Variants in HECTD4 observed in about 807,000 individuals in gnomAD.
HECTD4 encodes the protein probable E3 ubiquitin-protein ligase HECTD4.
HECTD4 carries 114 observed loss-of-function variants against 471.5 expected under a neutral mutation model. The ratio of observed to expected loss-of-function variants is 0.24; its 90% CI spans 0.21 to 0.28. HECTD4 has a LOEUF of 0.28. Among genes scored for constraint, HECTD4 ranks in the 10% least tolerant of loss-of-function variants. The pLI is 1.00. For synonymous variants in HECTD4, 2,012 were observed against 2,256.0 expected, an observed-to-expected ratio of 0.89 and a Z score of 3.07; for missense variants, 3,866 against 5,651.5, an observed-to-expected ratio of 0.68 and a Z score of 10.13.
At chr12:112,336,435 A>C (rs1398698755) in intron 1 of HECTD4, among the ~76,000 whole-genome samples, 1 of 152,014 alleles carries the variant, frequency 6.6e-6, no homozygotes, top group African/African-American at 2.4e-5. Flanking sequence ...AGGCAGGAGA[A>C]TGGCGTGAAC....
chr12:112,266,759 G>A (rs1346770405), intron 14 of HECTD4, among the ~76,000 whole-genome samples, 153 bp downstream of exon 14: 1 of 152,210 alleles, frequency 6.6e-6, no homozygotes, highest in East Asian at 1.9e-4. Context: ...TGGGATTACA[G>A]GTGTGAGCCA....
chr12:112,164,897 C>T (rs558239335), intron 72 of HECTD4, among the ~76,000 whole-genome samples: 2 of 151,078 alleles, frequency 1.3e-5, no homozygotes, highest in African/African-American at 2.4e-5. Flanking sequence ...GCTGGGATTA[C>T]AGGTGTGAGC....
At position 112,210,270 on chromosome 12, in the gene HECTD4, T is replaced by A; in HGVS notation, c.7630-18A>T. 1 of 1,608,372 alleles carries A rather than the reference T, an allele frequency of 6.2e-7. No individual in the cohort carries two copies. Among genetic ancestry groups the A allele is most frequent in the Non-Finnish European group, 8.5e-7 (1 of 1,175,038 alleles). On this transcript the variant is annotated intron_variant, in intron 49 of 75. Transcript: ENST00000682272. ...TTGGTGTTCTGGAAAGGAGACCAAA[T>A]GAAGGATTTGGAAAGACTTACGTTT...
chr12:112,359,946 C>A lies in HECTD4; in HGVS notation c.177+22006G>T, dbSNP rs76130951. Among the ~76,000 whole-genome samples, 1,119 of 152,200 alleles carry A rather than the reference C, an allele frequency of 7.4e-3. 19 individuals carry two copies. The highest frequency in any genetic ancestry group is 0.026 in the African/African-American group (1,067 of 41,514). ...AAGTTTAAGAAGAGCTGCTACAAAG[C>A]CCAAAGAGAATTAAGAGGGAGGAAT... On this transcript the variant is annotated intron_variant, in intron 1 of 75. Transcript: ENST00000682272.
Position 112,170,455 on chromosome 12 carries a change from A to G in HECTD4, c.11933-3T>C, listed in dbSNP as rs1047162644. ...CTTCGTGTCATAGAAGATCAGCCCT[A>G]AGGAGAGGAACGTGGGAGAGGCTTG... is the stretch of plus-strand genomic sequence containing the variant. On this transcript the variant is annotated splice_polypyrimidine_tract_variant and splice_region_variant and intron_variant, in intron 68 of 75. Transcript: ENST00000682272. 22 of 1,613,670 alleles carry G rather than the reference A, an allele frequency of 1.4e-5. No individual in the cohort carries two copies. Among genetic ancestry groups the G allele is most frequent in the Non-Finnish European group, 1.9e-5 (22 of 1,179,810 alleles).
rs1482651197 is a variant in HECTD4 at position 112,208,570 on chromosome 12, G to T, written c.7928C>A (p.Thr2643Asn). The change falls in exon 51 of 76, where the codon ACC becomes AAC. Residue 2643 changes from threonine (T) to asparagine (N), a missense_variant. Coordinates refer to ENST00000682272, the MANE Select transcript of HECTD4 (RefSeq NM_001388303.1). ...KVELSYENFI[T>N]SGPDPHPPPI... ...AGGCGGGTGAGGGTCTGGGCCAGAGGTGATGAAATTCTCATAGCTGAGCTC... is the reference window on the plus strand; with the variant it reads ...AGGCGGGTGAGGGTCTGGGCCAGAGTTGATGAAATTCTCATAGCTGAGCTC... 6.2e-7 allele frequency: 1 copy of T among 1,608,142 alleles called. No homozygotes were observed. The highest frequency in any genetic ancestry group is 8.5e-7 in the Non-Finnish European group (1 of 1,178,306).
Position 112,164,095 on chromosome 12 carries a change from G to A in HECTD4, c.12701+14C>T, listed in dbSNP as rs2030823791. On this transcript the variant is annotated intron_variant, in intron 73 of 75. Coordinates refer to ENST00000682272, the MANE Select transcript of HECTD4 (RefSeq NM_001388303.1). Reference sequence around the variant, plus strand: ...GCCAGCCCCTGCCAGCCCCTGACACGCGCACACACTCACGCCACAAGGATG... The same window carrying A: ...GCCAGCCCCTGCCAGCCCCTGACACACGCACACACTCACGCCACAAGGATG... The A allele has an allele frequency of 4.6e-6, 7 of 1,513,360 alleles. No individual in the cohort carries two copies. Among genetic ancestry groups the A allele is most frequent in the Non-Finnish European group, 5.3e-6 (6 of 1,125,988 alleles). 93.7% of individuals were successfully genotyped at this position (1,513,360 alleles called of 1,614,324 possible). A position where few individuals can be genotyped will look rare whatever the true frequency, so the allele number is the denominator to read the frequency against.
At chr12:112,379,958 G>T (rs752755453) in intron 1 of HECTD4, among the ~76,000 whole-genome samples, 1 of 151,462 alleles carries the variant, frequency 6.6e-6, no homozygotes, top group Non-Finnish European at 1.5e-5. Context: ...GGCCAGAGAG[G>T]TTCTTTCCTT....
chr12:112,167,267 C>A, intron 72 of HECTD4, 50 bp downstream of exon 72: 2 of 1,514,968 alleles, frequency 1.3e-6, no homozygotes, highest in South Asian at 1.2e-5. Context: ...AGCAAGGTGG[C>A]GGGGAGGCCC....
chr12:112,343,525 T>C (rs1334609763), intron 1 of HECTD4, among the ~76,000 whole-genome samples: 1 of 152,150 alleles, frequency 6.6e-6, no homozygotes, highest in East Asian at 1.9e-4. Flanking sequence ...ATCCCAGCAC[T>C]TGGGGAGACC....
chr12:112,258,460 A>C, intron 20 of HECTD4, 36 bp downstream of exon 20: 1 of 1,456,036 alleles, frequency 6.9e-7, no homozygotes, highest in Non-Finnish European at 9.3e-7. Flanking sequence ...AAAGAAAACA[A>C]GAAAAGGGTT....
chr12:112,183,245 C>T lies in HECTD4; in HGVS notation c.10801G>A (p.Glu3601Lys). Residue 3601 changes from glutamate to lysine, a missense_variant, in exon 62 of 76, where the codon GAG becomes AAG. Glu to Lys is a moderately conservative substitution (Grantham distance 56). This residue lies in a region of HECTD4 where 715 missense variants were observed against 1,087.6 expected (regional missense o/e 0.66). Transcript: ENST00000682272. The part of the protein sequence containing the change: ...VVEIRSRAKI[E>K]KIRASLFNNN... Reference sequence around the variant, plus strand: ...TTAAATAAACTTGCTCGAATTTTCTCAATTTTGGCTCGGGATCTTATCTGT... The same window carrying T: ...TTAAATAAACTTGCTCGAATTTTCTTAATTTTGGCTCGGGATCTTATCTGT... 6.2e-7 allele frequency: 1 copy of T among 1,613,752 alleles called. No homozygotes were observed.
In HECTD4 at chr12:112,248,053, T is replaced by A; in HGVS notation, c.4248+14A>T. ...ATGGCAATACCCCAGTGACAAATCA[T>A]ACAATTTGCTCACCTCATTAAAATG... On this transcript the variant is annotated intron_variant, in intron 27 of 75. Coordinates refer to ENST00000682272, the MANE Select transcript of HECTD4 (RefSeq NM_001388303.1). The A allele has an allele frequency of 1.9e-6, 3 of 1,592,576 alleles. No individual in the cohort carries two copies. Among genetic ancestry groups the A allele is most frequent in the Non-Finnish European group, 2.6e-6 (3 of 1,163,148 alleles).
intron 3 of HECTD4, 69 bp from the exon 4 acceptor site, chr12:112,313,216 AC>A: frequency 7.4e-7 from 1 of 1,354,958 alleles, no homozygotes; most frequent in Non-Finnish European, 9.7e-7. Context: ...TATACCTGCT[AC>A]CCCAAAGAGT....
chr12:112,189,255 A>G (rs995527105), intron 60 of HECTD4, among the ~76,000 whole-genome samples: 4 of 152,136 alleles, frequency 2.6e-5, no homozygotes, highest in African/African-American at 9.7e-5. Flanking sequence ...TCTTGAAATA[A>G]GAAATTACGG....
At chr12:112,355,688 CG>C (rs1319475233) in intron 1 of HECTD4, among the ~76,000 whole-genome samples, 2 of 151,960 alleles carry the variant, frequency 1.3e-5, no homozygotes, top group African/African-American at 2.4e-5. Context: ...CGCTTGAGCC[CG>C]GGAGGCGGAG....
rs2135580187 is a variant in HECTD4 at position 112,243,511 on chromosome 12, G to A, written c.4800C>T (p.Ser1600=). The change falls in exon 32 of 76, where the codon AGC becomes AGT. Residue 1600 remains serine (S), a synonymous_variant. Transcript: ENST00000682272. The surrounding 1 kb of genome is among the most constrained non-coding windows in gnomAD (Gnocchi z 6.6). ...IGTNPDQAVS[S]SSFLLAAQTR... ...TCTGTGCAGCCAAAAGGAAACTGCT[G>A]CTGGACACCTGAAACACACAAGGAG... The A allele has an allele frequency of 1.2e-6, 2 of 1,604,744 alleles. No homozygotes were observed. The highest frequency in any genetic ancestry group is 1.7e-6 in the Non-Finnish European group (2 of 1,175,564).
chr12:112,349,128 C>T (rs1220260608), intron 1 of HECTD4, among the ~76,000 whole-genome samples: 1 of 152,034 alleles, frequency 6.6e-6, no homozygotes, highest in Non-Finnish European at 1.5e-5. Context: ...TGCGGTGGCT[C>T]ACGCCTGTAA....
Position 112,243,795 on chromosome 12 carries a change from G to A in HECTD4, c.4650-34C>T, listed in dbSNP as rs372665975. 3.1e-6 allele frequency: 5 copies of A among 1,609,656 alleles called. No homozygotes were observed. The highest frequency in any genetic ancestry group is 2.7e-5 in the African/African-American group (2 of 74,854). ...AACACAGAACAGACTGGCAAGACGAGAAACACACTCAGGGAGCTTGTTTTG... is the reference window on the plus strand; with the variant it reads ...AACACAGAACAGACTGGCAAGACGAAAAACACACTCAGGGAGCTTGTTTTG... On this transcript the variant is annotated intron_variant, in intron 30 of 75. Transcript: ENST00000682272. This position sits in a 1 kb window ranked among gnomAD's most constrained non-coding sequence, Gnocchi z 6.6.
Sources: allele counts gnomAD v4.1 joint callset (sites outside exome capture counted in the v4.1 genomes callset), GRCh38; gene constraint gnomAD v4.1.1; regional missense constraint gnomAD v4.1.1; non-coding constraint Gnocchi (gnomAD v3.1); transcripts MANE v1.5; gene names NCBI Gene and HGNC (gene_info 2026-07-23, HGNC 2026-07-21).